RASSF3: variants seen among roughly 807,000 people sequenced by gnomAD.
The protein encoded by RASSF3 is Ras association domain family member 3, also known as ras association domain-containing protein 3.
In RASSF3, 19 loss-of-function variants were observed where a neutral mutation model predicts 19.9. The observed-to-expected ratio is 0.96, with a 90% CI of 0.67 to 1.40. RASSF3 has a LOEUF of 1.40. Ranked by LOEUF, RASSF3 falls within the 40% of genes most tolerant of loss-of-function variation. The pLI is 0.00. For missense variants in RASSF3, 306 were observed against 289.8 expected, an observed-to-expected ratio of 1.06 and a Z score of -0.41; for synonymous variants, 110 against 104.2, an observed-to-expected ratio of 1.06 and a Z score of -0.34.
At chr12:64,636,505 G>T (rs1290580355) in intron 1 of RASSF3, among the ~76,000 whole-genome samples, 3 of 152,114 alleles carry the variant, frequency 2.0e-5, no homozygotes, top group Non-Finnish European at 4.4e-5. Context: ...GAAAGTGGTT[G>T]TATATTGCTG....
At chr12:64,511,369 C>A (rs1868326923) in intron 1 of RASSF3, among the ~76,000 whole-genome samples, 1 of 152,148 alleles carries the variant, frequency 6.6e-6, no homozygotes, top group African/African-American at 2.4e-5. Flanking sequence ...GTAATCCCAG[C>A]TACCCTGGAG....
Position 64,650,929 on chromosome 12 carries a change from C to T in RASSF3, c.112-33858C>T, listed in dbSNP as rs73321741. ...CTATAAACTTTATGACTTGTGCATG[C>T]GCGATTGTATGGCTGGCTCTTTGCC... On this transcript the variant is annotated intron_variant, in intron 1 of 4. Coordinates refer to ENST00000542104, the MANE Select transcript of RASSF3 (RefSeq NM_178169.4). 7.1e-3 allele frequency among the ~76,000 whole-genome samples: 1,074 copies of T among 152,266 alleles called. 15 individuals carry two copies. The highest frequency in any genetic ancestry group is 0.025 in the African/African-American group (1,034 of 41,542).
At chr12:64,568,312 C>T (rs926691518) in intron 2 of RASSF3, among the ~76,000 whole-genome samples, 12 of 152,180 alleles carry the variant, frequency 7.9e-5, no homozygotes, top group African/African-American at 2.7e-4. Flanking sequence ...GGATTACAGG[C>T]GTGAGCCATC....
chr12:64,634,811 C>CT (rs911139753), intron 1 of RASSF3, among the ~76,000 whole-genome samples: 1 of 146,446 alleles, frequency 6.8e-6, no homozygotes, highest in African/African-American at 2.5e-5. Flanking sequence ...TTATGTTGCT[C>CT]TGATAGGGGC....
At chr12:64,517,621 CTT>C (rs58706283) in intron 1 of RASSF3, among the ~76,000 whole-genome samples, 543 of 143,798 alleles carry the variant, frequency 3.8e-3, no homozygotes, top group Non-Finnish European at 3.8e-3. Context: ...TACACACACA[CTT>C]TTTTTTTTTT....
At chr12:64,687,101 C>G (rs138711031) in intron 2 of RASSF3, among the ~76,000 whole-genome samples, 2,619 of 151,706 alleles carry the variant, frequency 0.017, 71 homozygotes, top group African/African-American at 0.06. Context: ...TCAAGAGATT[C>G]TCCTGCCTCA....
At chr12:64,687,055 C>A (rs564085024) in intron 2 of RASSF3, among the ~76,000 whole-genome samples, 1 of 150,998 alleles carries the variant, frequency 6.6e-6, no homozygotes, top group Non-Finnish European at 1.5e-5. Flanking sequence ...GGCGTAATCT[C>A]GTAATCTCGG....
chr12:64,653,139 A>T (rs1872023665), intron 1 of RASSF3, among the ~76,000 whole-genome samples: 1 of 152,136 alleles, frequency 6.6e-6, no homozygotes, highest in African/African-American at 2.4e-5. Flanking sequence ...TGTGATCATG[A>T]ATCGTTGCAG....
intron 1 of RASSF3, chr12:64,611,546 CT>C (rs1240269219): frequency 1.3e-5 from 2 of 152,264 alleles, no homozygotes; most frequent in African/African-American, 4.8e-5. Context: ...GGCACGTCGG[CT>C]GGACTGAGGA....
intron 1 of RASSF3, among the ~76,000 whole-genome samples, chr12:64,511,414 G>A (rs1223345596): frequency 2.0e-5 from 3 of 151,962 alleles, no homozygotes; most frequent in African/African-American, 4.8e-5. Flanking sequence ...CCCGGGAGGT[G>A]GAGGCTGCAG....
intron 1 of RASSF3, among the ~76,000 whole-genome samples, chr12:64,670,029 G>GT (rs376330782): frequency 0.1 from 14,916 of 146,130 alleles, 802 homozygotes; most frequent in Middle Eastern, 0.15. Flanking sequence ...GGCAGTATCA[G>GT]TTTTTTTTTT....
chr12:64,634,309 C>T, intron 1 of RASSF3, among the ~76,000 whole-genome samples: 1 of 138,590 alleles, frequency 7.2e-6, no homozygotes, highest in Admixed American at 7.3e-5. Flanking sequence ...ATCATCTTGT[C>T]CTTTTTTTTT....
At chr12:64,567,980 G>C (rs1040258135) in intron 2 of RASSF3, among the ~76,000 whole-genome samples, 1 of 152,208 alleles carries the variant, frequency 6.6e-6, no homozygotes, top group African/African-American at 2.4e-5. Context: ...CTCACATCCT[G>C]AGGCATGCAT....
chr12:64,650,105 G>A (rs376337099), intron 1 of RASSF3, among the ~76,000 whole-genome samples: 3 of 152,176 alleles, frequency 2.0e-5, no homozygotes, highest in Admixed American at 2.0e-4. Flanking sequence ...GATGATACAC[G>A]CATGTATTTG....
At chr12:64,540,923 A>G (rs1868923356) in intron 1 of RASSF3, among the ~76,000 whole-genome samples, 1 of 152,048 alleles carries the variant, frequency 6.6e-6, no homozygotes, top group African/African-American at 2.4e-5. Context: ...GGTGTGTGCC[A>G]CCACACCTGG....
At chr12:64,600,535 C>G (rs1345695979) in intron 2 of RASSF3, among the ~76,000 whole-genome samples, 1 of 152,106 alleles carries the variant, frequency 6.6e-6, no homozygotes, top group East Asian at 1.9e-4. Context: ...ATATCTTTGC[C>G]AAAAAGATCC....
At chr12:64,555,482 G>A (rs978870593) in intron 2 of RASSF3, among the ~76,000 whole-genome samples, 1 of 152,156 alleles carries the variant, frequency 6.6e-6, no homozygotes, top group Non-Finnish European at 1.5e-5. Flanking sequence ...GGGCACGGTG[G>A]CTCACGCCTG....
At chr12:64,582,233 T>A (rs920791916) in intron 2 of RASSF3, among the ~76,000 whole-genome samples, 2 of 152,154 alleles carry the variant, frequency 1.3e-5, no homozygotes, top group Non-Finnish European at 2.9e-5. Flanking sequence ...GGGTCTATTG[T>A]AAAATCATAA....
At chr12:64,580,727 A>G (rs970867176) in intron 2 of RASSF3, among the ~76,000 whole-genome samples, 3 of 151,996 alleles carry the variant, frequency 2.0e-5, no homozygotes, top group African/African-American at 7.3e-5. Context: ...TTCACCTGCA[A>G]TCCTTGGCAT....
Sources: allele counts gnomAD v4.1 joint callset (sites outside exome capture counted in the v4.1 genomes callset), GRCh38; gene constraint gnomAD v4.1.1; transcripts MANE v1.5; gene names NCBI Gene and HGNC (gene_info 2026-07-23, HGNC 2026-07-21).